Variants in CYP4F12 observed in about 807,000 individuals in gnomAD.
CYP4F12 encodes cytochrome P450 4F12.
CYP4F12 carries 60 observed loss-of-function variants against 56.5 expected under a neutral mutation model. That is an observed-to-expected ratio of 1.06 (90% CI 0.86 to 1.32). The LOEUF is 1.32. Among genes scored for constraint, CYP4F12 ranks in the 40% most tolerant of loss-of-function variants. The probability of loss-of-function intolerance (pLI) is 0.00; values close to 1 mark genes in which losing one functional copy is unlikely to be tolerated. For missense variants in CYP4F12, 711 were observed against 683.5 expected, an observed-to-expected ratio of 1.04 and a Z score of -0.45; for synonymous variants, 263 against 264.9, an observed-to-expected ratio of 0.99 and a Z score of 0.07.
chr19:15,682,301 G>T (rs1282565147), intron 5 of CYP4F12, 88 bp from the exon 6 acceptor site: 1 of 1,551,656 alleles, frequency 6.4e-7, no homozygotes, highest in African/African-American at 1.4e-5. Context: ...GAGGCTGGTT[G>T]TGGGGGAGTC....
intron 9 of CYP4F12, among the ~76,000 whole-genome samples, chr19:15,691,436 A>T (rs1207860863): frequency 6.6e-6 from 1 of 152,260 alleles, no homozygotes; most frequent in Non-Finnish European, 1.5e-5. Flanking sequence ...TCTCTATATT[A>T]GGTGAGTTTG....
chr19:15,686,413 C>T (rs2007607004), intron 9 of CYP4F12, among the ~76,000 whole-genome samples: 1 of 151,454 alleles, frequency 6.6e-6, no homozygotes, highest in Admixed American at 6.6e-5. Flanking sequence ...AAAGAGGGAG[C>T]AGGAGAGAGG....
chr19:15,675,911 TAG>T (rs1218135625), intron 2 of CYP4F12, among the ~76,000 whole-genome samples: 1 of 152,092 alleles, frequency 6.6e-6, no homozygotes, highest in African/African-American at 2.4e-5. Context: ...CAGAAAGAGA[TAG>T]AGAGATAAGA....
At position 15,697,021 on chromosome 19, in the gene CYP4F12, T is replaced by C; in HGVS notation, c.1511T>C (p.Leu504Ser). ...ACTGAGCCCCGCAGGAAGCTGGAATTGATCATGCGCGCCGAGGGCGGGCTT... is the reference window on the plus strand; with the variant it reads ...ACTGAGCCCCGCAGGAAGCTGGAATCGATCATGCGCGCCGAGGGCGGGCTT... ...DHTEPRRKLE[L>S]IMRAEGGLWL... The change falls in exon 13 of 13, where the codon TTG (leucine) becomes TCG (serine). Residue 504 changes from leucine (L) to serine (S), a missense_variant. Leu to Ser is a moderately radical substitution (Grantham distance 145, BLOSUM62 -2). Transcript: ENST00000550308. 3.1e-6 allele frequency: 5 copies of C among 1,614,226 alleles called. No individual in the cohort carries two copies. Among genetic ancestry groups the C allele is most frequent in the Non-Finnish European group, 4.2e-6 (5 of 1,180,008 alleles).
chr19:15,696,390 A>C, intron 11 of CYP4F12, 40 bp from the exon 12 acceptor site: 1 of 1,613,790 alleles, frequency 6.2e-7, no homozygotes. Context: ...TGCTGGACAT[A>C]GGAAATCCCA....
intron 9 of CYP4F12, among the ~76,000 whole-genome samples, chr19:15,689,143 A>AATAATAATCATCATCATCATCATC (rs146012868): frequency 4.0e-5 from 6 of 150,768 alleles, no homozygotes; most frequent in South Asian, 2.1e-4. Flanking sequence ...TAATAATAAT[A>AATAATAATCATCATCATCATCATC]ATAGCCGACT....
intron 1 of CYP4F12, 114 bp downstream of exon 1, chr19:15,673,249 A>C: frequency 3.5e-6 from 2 of 576,608 alleles, no homozygotes; most frequent in African/African-American, 1.9e-5. Context: ...GTTTCCTGGT[A>C]ACTGGACTCC....
rs1568419967 is a variant in CYP4F12 at position 15,683,653 on chromosome 19, G to GTCA, written c.811_813dup (p.Ile271dup). 5.0e-6 allele frequency: 8 copies of GTCA among 1,613,708 alleles called. No homozygotes were observed. Among genetic ancestry groups the GTCA allele is most frequent in the Non-Finnish European group, 6.8e-6 (8 of 1,179,922 alleles). On this transcript the variant is annotated inframe_insertion, in exon 7 of 13. Coordinates refer to ENST00000550308, the MANE Select transcript of CYP4F12 (RefSeq NM_023944.4). Reference sequence around the variant, plus strand: ...CCTGGTGCATGACTTCACAGACGCTGTCATCCGGGAGCGGCGTCGCACCCT... The same window carrying GTCA: ...CCTGGTGCATGACTTCACAGACGCTGTCATCATCCGGGAGCGGCGTCGCACCCT...
At chr19:15,695,789 G>C in intron 9 of CYP4F12, 147 bp from the exon 10 acceptor site, 1 of 1,242,564 alleles carries the variant, frequency 8.0e-7, no homozygotes. Context: ...TTCTCTAATT[G>C]TTTTCTGCTT....
In CYP4F12 at chr19:15,696,016, C is replaced by T; in HGVS notation, c.1196C>T (p.Ser399Phe). 2 of 1,614,036 alleles carry T rather than the reference C, an allele frequency of 1.2e-6. No individual in the cohort carries two copies. Among genetic ancestry groups the T allele is most frequent in the Non-Finnish European group, 1.7e-6 (2 of 1,179,976 alleles). Residue 399 changes from serine (S) to phenylalanine (F), a missense_variant, in exon 10 of 13, where the codon TCC (serine) becomes TTC (phenylalanine). Coordinates refer to ENST00000550308, the MANE Select transcript of CYP4F12 (RefSeq NM_023944.4). ...TTACATCCCCCAGCTCCCTTCATCT[C>T]CCGATGCTGCACCCAGGACATTGTT... is the stretch of plus-strand genomic sequence containing the variant. ...LRLHPPAPFI[S>F]RCCTQDIVLP...
intron 3 of CYP4F12, chr19:15,678,681 A>AAG: frequency 2.5e-6 from 1 of 400,022 alleles, no homozygotes; most frequent in East Asian, 4.2e-5. Context: ...AGGAATGGGC[A>AAG]AGAGAGAGAT....
chr19:15,685,224 C>G, intron 9 of CYP4F12, 27 bp downstream of exon 9: 1 of 1,608,560 alleles, frequency 6.2e-7, no homozygotes, highest in East Asian at 2.2e-5. Context: ...CTGGCCTGTT[C>G]CTGAGCCCAT....
At chr19:15,676,035 GA>G (rs2006903198) in intron 2 of CYP4F12, among the ~76,000 whole-genome samples, 1 of 152,166 alleles carries the variant, frequency 6.6e-6, no homozygotes. Context: ...CCTGAGTCCA[GA>G]AAGGCCTGAG....
chr19:15,682,208 G>C (rs1327913535), intron 5 of CYP4F12, 181 bp from the exon 6 acceptor site: 1 of 702,192 alleles, frequency 1.4e-6, no homozygotes, highest in Non-Finnish European at 2.2e-6. Context: ...CAAGCCATGG[G>C]TCTTCATCTC....
At position 15,696,893 on chromosome 19, in the gene CYP4F12, C is replaced by T. The variant is rs1293072140; in HGVS notation, c.1398-15C>T. On this transcript the variant is annotated splice_polypyrimidine_tract_variant and intron_variant, in intron 12 of 12. Coordinates refer to ENST00000550308, the MANE Select transcript of CYP4F12 (RefSeq NM_023944.4). ...GGGTCTTGGGCACAGTCACAGTCCC[C>T]ACTCCCGCCTGCAGGAACTGCATCG... The T allele has an allele frequency of 4.4e-6, 7 of 1,605,296 alleles. No individual in the cohort carries two copies. The highest frequency in any genetic ancestry group is 1.7e-5 in the Admixed American group (1 of 59,570).
intron 3 of CYP4F12, among the ~76,000 whole-genome samples, chr19:15,678,966 A>G (rs12460703): frequency 0.56 from 85,004 of 151,842 alleles, 24,025 homozygotes; most frequent in East Asian, 0.71. Flanking sequence ...AGTTCCTTCT[A>G]CCTCATCCTA....
intron 7 of CYP4F12, chr19:15,684,046 G>T (rs989438644): frequency 9.6e-5 from 22 of 227,996 alleles, no homozygotes; most frequent in African/African-American, 5.0e-4. Flanking sequence ...CTTTGTCTAT[G>T]TCTGTATCTA....
At chr19:15,673,504 A>C in intron 1 of CYP4F12, 25 bp from the exon 2 acceptor site, 1 of 1,609,702 alleles carries the variant, frequency 6.2e-7, no homozygotes. Flanking sequence ...TCAGGTCCTC[A>C]CCCTGCATCC....
rs2144714327 is a variant in CYP4F12, at chr19:15,678,279, G to A, written c.217G>A (p.Gly73Ser). 2.5e-6 allele frequency: 4 copies of A among 1,614,200 alleles called. No individual in the cohort carries two copies. Among genetic ancestry groups the A allele is most frequent in the Non-Finnish European group, 3.4e-6 (4 of 1,180,026 alleles). The change falls in exon 3 of 13, where the codon GGC (glycine) becomes AGC (serine). Residue 73 changes from glycine to serine, a missense_variant. By Grantham distance (56) the Gly-to-Ser change is moderately conservative (BLOSUM62 0). Coordinates refer to ENST00000550308, the MANE Select transcript of CYP4F12 (RefSeq NM_023944.4). ...HLGLITPTEE[G>S]LKNSTQMSAT... ...CTTTCAGATCACTCCTACAGAGGAG[G>A]GCTTGAAGAACTCGACCCAGATGTC...
Sources: gnomAD v4.1 joint callset for allele counts (sites outside exome capture counted in the v4.1 genomes callset) on GRCh38, gnomAD v4.1.1 for gene constraint, MANE v1.5 for transcripts, NCBI Gene and HGNC (gene_info 2026-07-23, HGNC 2026-07-21) for gene names.